RNF38: variants seen among roughly 807,000 people sequenced by gnomAD.
The protein encoded by RNF38 is ring finger protein 38.
In RNF38, 15 loss-of-function variants were observed where a neutral mutation model predicts 67.2. The observed-to-expected ratio is 0.22, with a 90% CI of 0.15 to 0.34. The LOEUF (loss-of-function observed/expected upper bound fraction) is 0.34. RNF38 is among the 10% of genes least tolerant of loss of function. The probability of loss-of-function intolerance (pLI) is 1.00; values close to 1 mark genes in which losing one functional copy is unlikely to be tolerated. For synonymous variants in RNF38, 220 were observed against 218.8 expected (o/e 1.01, Z -0.05); for missense variants, 524 against 639.9 (o/e 0.82, Z 1.95).
rs143970792 is a variant in RNF38, at chr9:36,392,770, A to T, written c.13-2154T>A. 5.7e-3 allele frequency among the ~76,000 whole-genome samples: 861 copies of T among 152,234 alleles called. 3 individuals carry two copies. Among genetic ancestry groups the T allele is most frequent in the Admixed American group, 8.0e-3 (122 of 15,288 alleles). On this transcript the variant is annotated intron_variant, in intron 1 of 11. Transcript: ENST00000259605. ...ACATGGTGAGACAATTTCTAAAAAT[A>T]AGTATTTGTTAATCTAATAAGATAT...
At chr9:36,342,075 T>C (rs2133339056) in intron 11 of RNF38, among the ~76,000 whole-genome samples, 1 of 152,268 alleles carries the variant, frequency 6.6e-6, no homozygotes, top group South Asian at 2.1e-4. Context: ...TCGGGCCTTG[T>C]CCCTATATAC....
At chr9:36,415,853 G>A (rs562147482) in intron 2 of RNF38, among the ~76,000 whole-genome samples, 23 of 152,122 alleles carry the variant, frequency 1.5e-4, no homozygotes, top group Admixed American at 2.6e-4. Context: ...GGATGTTACA[G>A]GCAGTGGAAT....
chr9:36,413,048 GACA>G (rs893501685), intron 2 of RNF38, among the ~76,000 whole-genome samples: 81 of 152,046 alleles, frequency 5.3e-4, no homozygotes, highest in African/African-American at 1.8e-3. Flanking sequence ...CTCTAGCCTG[GACA>G]ACAAGAGCGA....
intron 1 of RNF38, among the ~76,000 whole-genome samples, chr9:36,446,565 G>C (rs1250044494): frequency 6.6e-6 from 1 of 152,066 alleles, no homozygotes; most frequent in African/African-American, 2.4e-5. Flanking sequence ...CCAACACTTT[G>C]GGAAGCTGAG....
At chr9:36,380,921 T>TGACTTCTC (rs1246923286) in intron 2 of RNF38, among the ~76,000 whole-genome samples, 3 of 152,202 alleles carry the variant, frequency 2.0e-5, no homozygotes, top group African/African-American at 7.2e-5. Flanking sequence ...GAATAGAAGA[T>TGACTTCTC]AAGGCCTTAT....
At chr9:36,343,876 A>G (rs549705628) in intron 10 of RNF38, among the ~76,000 whole-genome samples, 85 of 152,266 alleles carry the variant, frequency 5.6e-4, no homozygotes, top group African/African-American at 2.0e-3. Flanking sequence ...AGGAGGCACC[A>G]AGGTGAGGTA....
chr9:36,419,702 T>C (rs1054192350), intron 2 of RNF38, among the ~76,000 whole-genome samples: 2 of 152,154 alleles, frequency 1.3e-5, no homozygotes, highest in African/African-American at 4.8e-5. Flanking sequence ...GGCATCTGTA[T>C]TCCCAGCTAC....
At chr9:36,460,985 G>C (rs1163020768) in intron 1 of RNF38, among the ~76,000 whole-genome samples, 2 of 152,072 alleles carry the variant, frequency 1.3e-5, no homozygotes, top group Non-Finnish European at 2.9e-5. Context: ...GGCCAAAGCA[G>C]GTGGATCACC....
intron 2 of RNF38, among the ~76,000 whole-genome samples, chr9:36,409,544 G>C (rs1448957734): frequency 6.6e-6 from 1 of 152,174 alleles, no homozygotes; most frequent in Non-Finnish European, 1.5e-5. Context: ...TGTTCAATGA[G>C]GAACACACTT....
At chr9:36,356,596 A>G (rs1263448314) in intron 5 of RNF38, 123 bp from the exon 6 acceptor site, 5 of 710,260 alleles carry the variant, frequency 7.0e-6, no homozygotes, top group Non-Finnish European at 8.8e-6. Flanking sequence ...TGTTTTTAAT[A>G]GCTTATATTA....
At chr9:36,356,139 A>C (rs1304032764) in intron 6 of RNF38, among the ~76,000 whole-genome samples, 164 bp downstream of exon 6, 1 of 152,126 alleles carries the variant, frequency 6.6e-6, no homozygotes, top group Non-Finnish European at 1.5e-5. Context: ...GAGTCACTGC[A>C]CCTGGCCAAG....
intron 1 of RNF38, among the ~76,000 whole-genome samples, chr9:36,473,061 G>A (rs1383772481): frequency 1.3e-5 from 2 of 152,164 alleles, no homozygotes; most frequent in South Asian, 2.1e-4. Flanking sequence ...GAACCCAGGA[G>A]GCGGAAGCTG....
chr9:36,369,614 T>G (rs1035830356), intron 4 of RNF38, 105 bp downstream of exon 4: 5 of 838,930 alleles, frequency 6.0e-6, no homozygotes, highest in Non-Finnish European at 9.3e-6. Context: ...AACTTCATTT[T>G]AGGTAAAAAC....
intron 1 of RNF38, among the ~76,000 whole-genome samples, chr9:36,479,351 G>A (rs1201217040): frequency 6.6e-6 from 1 of 152,220 alleles, no homozygotes; most frequent in Non-Finnish European, 1.5e-5. Flanking sequence ...AACAGAGGAA[G>A]AGGAACTGGA....
In RNF38 at chr9:36,478,128, T is replaced by C. The variant is rs1411160666; in HGVS notation, n.241+9180A>G. Among the ~76,000 whole-genome samples the C allele has an allele frequency of 3.9e-5, 6 of 152,232 alleles. No homozygotes were observed. In the East Asian group the frequency reaches 1.2e-3, roughly 29 times the overall value. ...GACTTCTTAGAAGCACATCATGACG[T>C]AGAATGGTTGATATAAGTGTTTATT... On this transcript the variant is annotated intron_variant and non_coding_transcript_variant, in intron 1 of 3. Transcript: ENST00000488058.
rs1291288647 is a variant in RNF38 at position 36,399,960 on chromosome 9, G to A, written c.12+137C>T. 11 of 769,126 alleles carry A rather than the reference G, an allele frequency of 1.4e-5. No individual in the cohort carries two copies. In the Admixed American group the frequency reaches 3.1e-4, roughly 22 times the overall value. The allele number at this position is 769,126 out of a possible 1,614,324, so 47.6% of individuals were successfully genotyped here. Reference sequence around the variant, plus strand: ...TTCATACGTTAAGTCCACCGCTTAAGAAAAAAGAAATGGCAATTCATATAA... The same window carrying A: ...TTCATACGTTAAGTCCACCGCTTAAAAAAAAAGAAATGGCAATTCATATAA... On this transcript the variant is annotated intron_variant, in intron 1 of 11. Transcript: ENST00000259605.
chr9:36,390,337 A>G, intron 2 of RNF38, 130 bp downstream of exon 2: 2 of 738,932 alleles, frequency 2.7e-6, no homozygotes, highest in Non-Finnish European at 4.1e-6. Context: ...GTCCTCTAAG[A>G]AGAATACTTA....
At chr9:36,376,774 A>G (rs1835818112) in intron 2 of RNF38, among the ~76,000 whole-genome samples, 1 of 151,924 alleles carries the variant, frequency 6.6e-6, no homozygotes, top group African/African-American at 2.4e-5. Flanking sequence ...AAAAACACAA[A>G]AATTAGCTGG....
chr9:36,400,316 A>G (rs1587618118), upstream of RNF38: 1 of 1,268,296 alleles, frequency 7.9e-7, no homozygotes, highest in Non-Finnish European at 1.0e-6. Flanking sequence ...CCTGGGTGAC[A>G]TCATTTCACC....
Sources: allele counts gnomAD v4.1 joint callset (sites outside exome capture counted in the v4.1 genomes callset), GRCh38; gene constraint gnomAD v4.1.1; transcripts MANE v1.5; gene names NCBI Gene and HGNC (gene_info 2026-07-23, HGNC 2026-07-21).